The following CHRNE variants were observed in gnomAD, a reference collection of about 807,000 sequenced individuals.
CHRNE encodes the protein cholinergic receptor nicotinic epsilon subunit.
Under a neutral mutation model 56.5 loss-of-function variants are expected in CHRNE, and 58 were observed. The ratio of observed to expected loss-of-function variants is 1.03; its 90% CI spans 0.83 to 1.28. CHRNE has a LOEUF of 1.28. Among genes scored for constraint, CHRNE ranks in the 50% most tolerant of loss-of-function variants. The pLI is 0.00. For synonymous variants in CHRNE, 385 were observed against 297.9 expected, an observed-to-expected ratio of 1.29 and a Z score of -3.01; for missense variants, 793 against 688.9, an observed-to-expected ratio of 1.15 and a Z score of -1.69.
At position 4,899,247 on chromosome 17, in the gene CHRNE, C is replaced by G. The variant is rs955030428; in HGVS notation, c.1170G>C (p.Arg390=). The G allele has an allele frequency of 2.1e-5, 33 of 1,606,730 alleles. No individual in the cohort carries two copies. Among genetic ancestry groups the G allele is most frequent in the Non-Finnish European group, 2.8e-5 (33 of 1,179,254 alleles). The change falls in exon 10 of 12, where the codon CGG becomes CGC. Residue 390 remains arginine (R), a synonymous_variant. Coordinates refer to ENST00000649488, the MANE Select transcript of CHRNE (RefSeq NM_000080.4). Reference sequence around the variant, plus strand: ...TCTGCCCCTCAAACACGAGCTCGCTCCGTGGCTTTTTCAGTATCAGCTCCT... The same window carrying G: ...TCTGCCCCTCAAACACGAGCTCGCTGCGTGGCTTTTTCAGTATCAGCTCCT... ...RAEELILKKP[R]SELVFEGQRH... is the part of the protein sequence containing the mutation.
chr17:4,899,871 G>C, intron 8 of CHRNE: 1 of 1,544,734 alleles, frequency 6.5e-7, no homozygotes, highest in Non-Finnish European at 8.8e-7. Context: ...AGACCTTCTG[G>C]GTAGGTCTCC....
intron 8 of CHRNE, chr17:4,900,190 G>A (rs2151096400): frequency 6.5e-7 from 1 of 1,543,852 alleles, no homozygotes; most frequent in Non-Finnish European, 8.7e-7. Flanking sequence ...CGGGTAGCGG[G>A]AACAAGGACC....
chr17:4,901,759 C>CCT, intron 5 of CHRNE, 134 bp from the exon 6 acceptor site: 1 of 1,243,326 alleles, frequency 8.0e-7, no homozygotes, highest in Non-Finnish European at 1.2e-6. Context: ...AGCCCGCACG[C>CCT]CTCTGTTCCC....
rs755391448 is a variant in CHRNE at position 4,899,334 on chromosome 17, C to T, written c.1083G>A (p.Glu361=). 6 of 1,554,602 alleles carry T rather than the reference C, an allele frequency of 3.9e-6. No homozygotes were observed. The South Asian group carries it at 5.8e-5, about 15-fold the overall frequency. ...PRLLGSPPPP[E]APRAASPPRR... is the part of the protein sequence containing the mutation. The stretch of plus-strand genomic sequence containing the variant: ...TTGGGGGCGAGGCGGCCCGGGGGGC[C>T]TCGGGCGGCGGCGGGGAGCCCAGGA... Residue 361 remains glutamate (E), a synonymous_variant, in exon 10 of 12, where the codon GAG becomes GAA. Coordinates refer to ENST00000649488, the MANE Select transcript of CHRNE (RefSeq NM_000080.4).
In CHRNE at chr17:4,898,765, G is replaced by A. The variant is rs1085307690; in HGVS notation, c.1453C>T (p.Leu485Phe). The change falls in exon 12 of 12, where the codon CTC becomes TTC. Residue 485 changes from leucine to phenylalanine, a missense_variant. Transcript: ENST00000649488. ...LGAYFNRVPD[L>F]PYAPCIQP ...GGCTGGATACACGGCGCGTAGGGGA[G>A]ATCAGGCACTCGGTTGAAGTAGGCC... 14 of 1,611,066 alleles carry A rather than the reference G, an allele frequency of 8.7e-6. No individual in the cohort carries two copies. Among genetic ancestry groups the A allele is most frequent in the Non-Finnish European group, 9.3e-6 (11 of 1,179,076 alleles).
intron 11 of CHRNE, 47 bp downstream of exon 11, chr17:4,898,954 G>A: frequency 1.3e-6 from 2 of 1,559,350 alleles, no homozygotes; most frequent in Non-Finnish European, 1.7e-6. Context: ...ATGGGAGACA[G>A]TGGTGGGCCT....
rs79009580 is a variant in CHRNE, at chr17:4,900,330, C to T, written c.917+463G>A. The T allele has an allele frequency of 1.5e-3, 2,324 of 1,545,592 alleles. 36 individuals are homozygous for T. The African/African-American group carries it at 0.028, about 19-fold the overall frequency. On this transcript the variant is annotated intron_variant, in intron 8 of 11. Coordinates refer to ENST00000649488, the MANE Select transcript of CHRNE (RefSeq NM_000080.4). The stretch of plus-strand genomic sequence containing the variant: ...CAGGGATCCGGGTGCAGCGCTGAGC[C>T]GGGTAGCCCAAGCCGCAGGGCAGGG...
Position 4,901,517 on chromosome 17 carries a change from G to A in CHRNE, c.601+8C>T, listed in dbSNP as rs539874157. ...AAGCGGGTTTTTCTGAGCAGGCAGG[G>A]GCTTCACCAGTATAGGCCTCTGTGT... On this transcript the variant is annotated splice_region_variant and intron_variant, in intron 6 of 11. Coordinates refer to ENST00000649488, the MANE Select transcript of CHRNE (RefSeq NM_000080.4). The A allele has an allele frequency of 4.0e-5, 64 of 1,613,528 alleles. No individual in the cohort carries two copies. The South Asian group carries it at 6.4e-4, about 16-fold the overall frequency.
At chr17:4,906,118 A>G (rs749270419), upstream of CHRNE, among the ~76,000 whole-genome samples, 11 of 152,198 alleles carry the variant, frequency 7.2e-5, no homozygotes, top group Non-Finnish European at 1.6e-4. Flanking sequence ...GCCCCAGACC[A>G]ACTTCTTGGC....
chr17:4,899,766 A>AG lies in CHRNE; in HGVS notation c.918-185_918-184insC. ...TGTCCTACCACTTGTGGCGGCCATG[A>AG]AGGGGACCCCCAGCTCCCTGGACAC... On this transcript the variant is annotated intron_variant, in intron 8 of 11. Coordinates refer to ENST00000649488, the MANE Select transcript of CHRNE (RefSeq NM_000080.4). 1.9e-6 allele frequency: 3 copies of AG among 1,551,140 alleles called. No individual in the cohort carries two copies. The South Asian group carries it at 3.6e-5, about 18-fold the overall frequency.
At chr17:4,906,522 C>T (rs1163482219), upstream of CHRNE, among the ~76,000 whole-genome samples, 1 of 151,974 alleles carries the variant, frequency 6.6e-6, no homozygotes, top group Non-Finnish European at 1.5e-5. Context: ...AAAAAGAGGG[C>T]AGAAGATTTG....
chr17:4,905,087 C>T (rs1170923092), upstream of CHRNE, among the ~76,000 whole-genome samples: 1 of 152,226 alleles, frequency 6.6e-6, no homozygotes, highest in African/African-American at 2.4e-5. Context: ...CAAAGTTCCC[C>T]CTTACAGGGC....
chr17:4,902,301 T>C lies in CHRNE; in HGVS notation c.260A>G (p.Tyr87Cys). 1.2e-6 allele frequency: 2 copies of C among 1,614,124 alleles called. No individual in the cohort carries two copies. Among genetic ancestry groups the C allele is most frequent in the Non-Finnish European group, 1.7e-6 (2 of 1,180,018 alleles). Residue 87 changes from tyrosine (Y) to cysteine (C), a missense_variant, in exon 4 of 12, where the codon TAC (tyrosine) becomes TGC (cysteine). Transcript: ENST00000649488. The surrounding 1 kb of genome is among the most constrained non-coding windows in gnomAD (Gnocchi z 4.0). The stretch of plus-strand genomic sequence containing the variant: ...TATACCCCCAAAGTCGTCCTTGCTG[T>C]AGTTGAGTCGGTAATCCTGCCAATC... ...GIDWQDYRLNYSKDDFGGIET... is the reference protein window; with the variant it reads ...GIDWQDYRLNCSKDDFGGIET...
Position 4,898,370 on chromosome 17 carries a change from C to T in CHRNE, c.*366G>A, listed in dbSNP as rs551684568. The T allele has an allele frequency of 6.6e-4, 227 of 342,022 alleles. 3 individuals are homozygous for T. Among genetic ancestry groups the T allele is most frequent in the South Asian group, 5.3e-3 (215 of 40,400 alleles). The allele number at this position is 342,022 out of a possible 1,614,324, so 21.2% of individuals were successfully genotyped here. ...ACAGCCTCCCTGTGTGCAAGTCCTGCAAAGGGGTCTCCTGTTTGGCTATGA... is the reference window on the plus strand; with the variant it reads ...ACAGCCTCCCTGTGTGCAAGTCCTGTAAAGGGGTCTCCTGTTTGGCTATGA... On this transcript the variant is annotated 3_prime_UTR_variant, in exon 12 of 12. Coordinates refer to ENST00000649488, the MANE Select transcript of CHRNE (RefSeq NM_000080.4).
At chr17:4,903,443 A>T (rs35031588), upstream of CHRNE, among the ~76,000 whole-genome samples, 32,488 of 151,964 alleles carry the variant, frequency 0.21, 4,399 homozygotes, top group African/African-American at 0.38. Flanking sequence ...ACCCTGACTG[A>T]TGAACACATC....
chr17:4,900,312 C>A lies in CHRNE; in HGVS notation c.917+481G>T, dbSNP rs1012817390. 2.1e-5 allele frequency: 33 copies of A among 1,545,398 alleles called. No homozygotes were observed. The Admixed American group carries it at 3.7e-4, about 17-fold the overall frequency. ...GGGCCCAGCCCCAGACGGCAGGGAT[C>A]CGGGTGCAGCGCTGAGCCGGGTAGC... On this transcript the variant is annotated intron_variant, in intron 8 of 11. Transcript: ENST00000649488.
In CHRNE at chr17:4,902,536, G is replaced by A; in HGVS notation, c.190-42C>T. 1 of 1,614,020 alleles carries A rather than the reference G, an allele frequency of 6.2e-7. No individual in the cohort carries two copies. Among genetic ancestry groups the A allele is most frequent in the South Asian group, 1.1e-5 (1 of 91,082 alleles). ...GGGATGATTGAAGTGAGATTTCAGG[G>A]CCAGAAGTGAGCTTTAGGACAGAGC... On this transcript the variant is annotated intron_variant, in intron 2 of 11. Transcript: ENST00000649488. This position sits in a 1 kb window ranked among gnomAD's most constrained non-coding sequence, Gnocchi z 4.0.
In CHRNE at chr17:4,902,213, T is replaced by G; in HGVS notation, c.344+4A>C. ...TCCAGCCTGGCGTCTGGCCCGGTTCTCACTTGTTTTCCAGCACAATCTCTG... is the reference window on the plus strand; with the variant it reads ...TCCAGCCTGGCGTCTGGCCCGGTTCGCACTTGTTTTCCAGCACAATCTCTG... On this transcript the variant is annotated splice_donor_region_variant and intron_variant, in intron 4 of 11. Coordinates refer to ENST00000649488, the MANE Select transcript of CHRNE (RefSeq NM_000080.4). This position sits in a 1 kb window ranked among gnomAD's most constrained non-coding sequence, Gnocchi z 4.0. The G allele has an allele frequency of 2.5e-6, 4 of 1,613,942 alleles. No individual in the cohort carries two copies. The highest frequency in any genetic ancestry group is 3.4e-6 in the Non-Finnish European group (4 of 1,179,954).
At chr17:4,908,455 G>A (rs1012168003) in intron 1 of CHRNE, among the ~76,000 whole-genome samples, 57 of 124,294 alleles carry the variant, frequency 4.6e-4, no homozygotes, top group African/African-American at 1.6e-3. Flanking sequence ...TCCTGCCAGT[G>A]CTGGGAGCAA....
Sources: gnomAD v4.1 joint callset for allele counts (sites outside exome capture counted in the v4.1 genomes callset) on GRCh38, gnomAD v4.1.1 for gene constraint, Gnocchi (gnomAD v3.1) non-coding constraint, MANE v1.5 for transcripts, NCBI Gene and HGNC (gene_info 2026-07-23, HGNC 2026-07-21) for gene names.